Variants in LAMB4 observed in about 807,000 individuals in gnomAD.
LAMB4 encodes laminin subunit beta-4.
In LAMB4, 196 loss-of-function variants were observed where a neutral mutation model predicts 199.2. The ratio of observed to expected loss-of-function variants is 0.98; its 90% CI spans 0.88 to 1.11. The LOEUF (loss-of-function observed/expected upper bound fraction) is 1.11. LAMB4 is among the 50% of genes least tolerant of loss of function. The pLI is 0.00. For synonymous variants in LAMB4, 744 were observed against 770.6 expected (o/e 0.97, Z 0.57); for missense variants, 2,080 against 2,171.2 (o/e 0.96, Z 0.83).
chr7:108,059,614 A>G (rs2036095056), intron 23 of LAMB4, among the ~76,000 whole-genome samples: 2 of 152,298 alleles, frequency 1.3e-5, no homozygotes, highest in South Asian at 4.1e-4. Context: ...AGTAGAACAG[A>G]TAATGGGACA....
In LAMB4 at chr7:108,043,897, C is replaced by T. The variant is rs756244315; in HGVS notation, c.4327-1G>A. On this transcript the variant is annotated splice_acceptor_variant, in intron 28 of 33. Coordinates refer to ENST00000388781, the MANE Select transcript of LAMB4 (RefSeq NM_007356.3). LOFTEE classifies it high-confidence loss of function. The stretch of plus-strand genomic sequence containing the variant: ...CTGCCTGTTCACTTATACTTTCGAT[C>T]TGGAATGAGAAAAACACAATGAAGA... 9 of 1,596,166 alleles carry T rather than the reference C, an allele frequency of 5.6e-6. No individual in the cohort carries two copies. The highest frequency in any genetic ancestry group is 7.7e-6 in the Non-Finnish European group (9 of 1,174,592).
chr7:108,128,186 G>A (rs914354993), intron 1 of LAMB4, among the ~76,000 whole-genome samples: 2 of 152,120 alleles, frequency 1.3e-5, no homozygotes, highest in Non-Finnish European at 2.9e-5. Flanking sequence ...TTACAAGCAG[G>A]AGCGGTTCTC....
At chr7:108,093,205 T>C (rs2037476016) in intron 12 of LAMB4, among the ~76,000 whole-genome samples, 1 of 152,170 alleles carries the variant, frequency 6.6e-6, no homozygotes, top group African/African-American at 2.4e-5. Flanking sequence ...TAGCTGGGAT[T>C]ACAGGCGCCT....
Position 108,048,095 on chromosome 7 carries a change from C to T in LAMB4, c.4139G>A (p.Gly1380Glu), listed in dbSNP as rs267601231. ...ILNEKVCGDP[G>E]NVPCVPLPCG... ...GGGCAAGGGCACACATGGCACATTT[C>T]CTGGATCTCCGCACACCTTGCAAGA... is the stretch of plus-strand genomic sequence containing the variant. Residue 1380 changes from glycine (G) to glutamate (E), a missense_variant, in exon 28 of 34, where the codon GGA becomes GAA. Gly to Glu is a moderately conservative substitution (Grantham distance 98). Coordinates refer to ENST00000388781, the MANE Select transcript of LAMB4 (RefSeq NM_007356.3). 1.2e-6 allele frequency: 2 copies of T among 1,613,042 alleles called. No homozygotes were observed. Among genetic ancestry groups the T allele is most frequent in the Non-Finnish European group, 8.5e-7 (1 of 1,179,522 alleles).
At chr7:108,018,903 G>C (rs982093973), downstream of LAMB4, among the ~76,000 whole-genome samples, 1 of 152,116 alleles carries the variant, frequency 6.6e-6, no homozygotes, top group Admixed American at 6.5e-5. Context: ...ACTGCCCCAG[G>C]TGTGTCCCGT....
Position 108,030,875 on chromosome 7 carries a change from A to G in LAMB4, c.4923T>C (p.His1641=). Residue 1641 remains histidine, a synonymous_variant, in exon 32 of 34, where the codon CAT becomes CAC. Coordinates refer to ENST00000388781, the MANE Select transcript of LAMB4 (RefSeq NM_007356.3). ...LSLLQTKLQR[H]QDHAVNAKVQ... ...CTTTCGCATTGACAGCGTGGTCTTG[A>G]TGCCTTTGCAACTTGGTCTGCAGCA... The G allele has an allele frequency of 6.2e-7, 1 of 1,614,116 alleles. No individual in the cohort carries two copies.
At chr7:108,050,547 T>C (rs2035793640) in intron 26 of LAMB4, among the ~76,000 whole-genome samples, 1 of 152,138 alleles carries the variant, frequency 6.6e-6, no homozygotes, top group Admixed American at 6.5e-5. Context: ...TTAATGTAAA[T>C]TATAGTATAT....
At chr7:108,063,662 G>A (rs1023120870) in intron 22 of LAMB4, 99 bp downstream of exon 22, 2 of 1,069,244 alleles carry the variant, frequency 1.9e-6, no homozygotes, top group Non-Finnish European at 2.9e-6. Context: ...TTTGCCTGCT[G>A]GGACTGGCCT....
intron 31 of LAMB4, among the ~76,000 whole-genome samples, chr7:108,033,153 C>T (rs1028170516): frequency 3.9e-5 from 6 of 152,162 alleles, no homozygotes; most frequent in Non-Finnish European, 8.8e-5. Flanking sequence ...CAAACTTTTT[C>T]TGTAAAGGGC....
In LAMB4 at chr7:108,096,546, T is replaced by C. The variant is rs536488635; in HGVS notation, c.1361-1209A>G. Among the ~76,000 whole-genome samples, 22 of 152,222 alleles carry C rather than the reference T, an allele frequency of 1.4e-4. No homozygotes were observed. In the East Asian group the frequency reaches 3.7e-3, roughly 25 times the overall value. On this transcript the variant is annotated intron_variant, in intron 11 of 33. Coordinates refer to ENST00000388781, the MANE Select transcript of LAMB4 (RefSeq NM_007356.3). ...GGTTTCTTTTGTGGGGGGATGAAAA[T>C]GATTGTGGTGATGATTACACAACTT...
At chr7:108,070,899 G>A (rs988627164) in intron 17 of LAMB4, among the ~76,000 whole-genome samples, 6 of 152,106 alleles carry the variant, frequency 3.9e-5, no homozygotes, top group Non-Finnish European at 7.4e-5. Context: ...TTACTACACA[G>A]AGGAAACAGA....
At chr7:108,018,912 G>A (rs185423360), downstream of LAMB4, among the ~76,000 whole-genome samples, 116 of 152,176 alleles carry the variant, frequency 7.6e-4, 1 homozygote, top group African/African-American at 2.6e-3. Flanking sequence ...GGTGTGTCCC[G>A]TGTTTCCTGG....
intron 11 of LAMB4, among the ~76,000 whole-genome samples, chr7:108,098,059 C>A (rs987089900): frequency 6.6e-6 from 1 of 152,144 alleles, no homozygotes; most frequent in Non-Finnish European, 1.5e-5. Context: ...ATTTTTAGGG[C>A]AGACAGAGAC....
At chr7:108,035,697 A>C (rs1021611252) in intron 30 of LAMB4, among the ~76,000 whole-genome samples, 1 of 151,514 alleles carries the variant, frequency 6.6e-6, no homozygotes, top group African/African-American at 2.4e-5. Context: ...ATTGTAGCAA[A>C]ATTTTTTATT....
intron 10 of LAMB4, among the ~76,000 whole-genome samples, chr7:108,102,359 A>G (rs1248155572): frequency 6.6e-6 from 1 of 152,256 alleles, no homozygotes; most frequent in Non-Finnish European, 1.5e-5. Flanking sequence ...ACATGTCAAC[A>G]TATATTGTTC....
At chr7:108,091,482 C>T (rs1314116328) in intron 14 of LAMB4, 144 bp downstream of exon 14, 14 of 849,918 alleles carry the variant, frequency 1.6e-5, no homozygotes, top group Non-Finnish European at 2.2e-5. Flanking sequence ...TCTGCATTTG[C>T]AGGTTATAAT....
intron 27 of LAMB4, 77 bp from the exon 28 acceptor site, chr7:108,048,188 G>A (rs749969618): frequency 6.2e-5 from 72 of 1,159,208 alleles, no homozygotes; most frequent in Non-Finnish European, 8.3e-5. Context: ...TTTTTGAGAC[G>A]GAGTTTGCTC....
intron 27 of LAMB4, among the ~76,000 whole-genome samples, chr7:108,049,035 G>C (rs1427615925): frequency 6.6e-6 from 1 of 152,078 alleles, no homozygotes; most frequent in Non-Finnish European, 1.5e-5. Flanking sequence ...TTCTTGTAAT[G>C]AGGCAAGAGG....
intron 14 of LAMB4, among the ~76,000 whole-genome samples, chr7:108,084,656 G>C (rs1584714700): frequency 6.6e-6 from 1 of 152,086 alleles, no homozygotes; most frequent in African/African-American, 2.4e-5. Context: ...CAAGGTAAGT[G>C]TGTTACTAAC....
Sources: gnomAD v4.1 joint callset for allele counts (sites outside exome capture counted in the v4.1 genomes callset) on GRCh38, gnomAD v4.1.1 for gene constraint, MANE v1.5 for transcripts, NCBI Gene and HGNC (gene_info 2026-07-23, HGNC 2026-07-21) for gene names.